Variants in GRIN3A observed in about 807,000 individuals in gnomAD.
GRIN3A encodes the protein glutamate receptor ionotropic, NMDA 3A.
In GRIN3A, 47 loss-of-function variants were observed where a neutral mutation model predicts 92.4. That is an observed-to-expected ratio of 0.51 (90% CI 0.40 to 0.65). GRIN3A has a LOEUF of 0.65. Among genes scored for constraint, GRIN3A ranks in the 30% least tolerant of loss-of-function variants. GRIN3A has a pLI of 0.00. For missense variants in GRIN3A, 1,324 were observed against 1,393.1 expected (o/e 0.95, Z 0.79); for synonymous variants, 527 against 540.6 (o/e 0.97, Z 0.35).
chr9:101,599,806 C>T (rs1299073524), intron 6 of GRIN3A, among the ~76,000 whole-genome samples: 7 of 152,146 alleles, frequency 4.6e-5, no homozygotes, highest in African/African-American at 7.2e-5. Context: ...GACCAGGTCA[C>T]ACAGCTGTTC....
intron 3 of GRIN3A, among the ~76,000 whole-genome samples, chr9:101,645,693 T>G (rs1828928645): frequency 6.8e-6 from 1 of 148,006 alleles, no homozygotes; most frequent in East Asian, 2.0e-4. Context: ...ATATAGATTA[T>G]ATATATAAAA....
chr9:101,610,864 C>T (rs772989281), intron 6 of GRIN3A, among the ~76,000 whole-genome samples: 2 of 151,866 alleles, frequency 1.3e-5, no homozygotes, highest in Non-Finnish European at 2.9e-5. Flanking sequence ...TTTGGGAGGC[C>T]GAGGCGGGCA....
intron 8 of GRIN3A, among the ~76,000 whole-genome samples, chr9:101,574,918 A>G (rs986796558): frequency 6.6e-6 from 1 of 152,222 alleles, no homozygotes; most frequent in Admixed American, 6.5e-5. Context: ...TGAGGCCATC[A>G]TAGACCAGAC....
intron 1 of GRIN3A, among the ~76,000 whole-genome samples, chr9:101,698,788 C>A (rs1227204755): frequency 6.6e-6 from 1 of 152,086 alleles, no homozygotes; most frequent in East Asian, 1.9e-4. Flanking sequence ...TCTGCCTCAG[C>A]CTCCCAAGTA....
chr9:101,688,109 A>T (rs1337709), intron 1 of GRIN3A, among the ~76,000 whole-genome samples: 120,311 of 152,170 alleles, frequency 0.79, 48,038 homozygotes, highest in African/African-American at 0.87. Flanking sequence ...TATGTTTATT[A>T]TGGGAACTAT....
chr9:101,581,011 C>T (rs900303860), intron 6 of GRIN3A, among the ~76,000 whole-genome samples: 5 of 152,184 alleles, frequency 3.3e-5, no homozygotes, highest in Admixed American at 6.5e-5. Flanking sequence ...GAGTCAATCC[C>T]GTAGAAGTAA....
At chr9:101,611,395 C>T (rs1395606768) in intron 6 of GRIN3A, among the ~76,000 whole-genome samples, 1 of 152,116 alleles carries the variant, frequency 6.6e-6, no homozygotes, top group African/African-American at 2.4e-5. Flanking sequence ...AATTTAGGGC[C>T]CACTTGACTA....
At chr9:101,719,498 TTAGGAGCCATTGAAATACTG>T (rs769593709) in intron 1 of GRIN3A, among the ~76,000 whole-genome samples, 2 of 151,918 alleles carry the variant, frequency 1.3e-5, no homozygotes, top group Non-Finnish European at 2.9e-5. Flanking sequence ...CTTAAGTCAG[TTAGGAGCCATTGAAATACTG>T]TAGGCAGAGA....
intron 2 of GRIN3A, among the ~76,000 whole-genome samples, chr9:101,685,807 T>G (rs1279459944): frequency 6.6e-6 from 1 of 151,904 alleles, no homozygotes; most frequent in Non-Finnish European, 1.5e-5. Flanking sequence ...GTTTGTCTAC[T>G]ACCAATCTAT....
At chr9:101,580,541 A>G (rs1827874828) in intron 6 of GRIN3A, among the ~76,000 whole-genome samples, 2 of 152,174 alleles carry the variant, frequency 1.3e-5, no homozygotes, top group Admixed American at 6.6e-5. Context: ...TGGTGAGTTC[A>G]GTAACTTTGG....
intron 2 of GRIN3A, among the ~76,000 whole-genome samples, chr9:101,677,175 T>G (rs918033504): frequency 2.0e-5 from 3 of 152,224 alleles, no homozygotes; most frequent in Admixed American, 6.5e-5. Context: ...TTTACATTTG[T>G]ATTTTTCCAT....
At chr9:101,660,835 C>T (rs936049836) in intron 3 of GRIN3A, among the ~76,000 whole-genome samples, 6 of 151,720 alleles carry the variant, frequency 4.0e-5, no homozygotes, top group Non-Finnish European at 1.5e-5. Context: ...ATATCAAAAA[C>T]GTTGATTTCA....
intron 3 of GRIN3A, among the ~76,000 whole-genome samples, chr9:101,657,162 A>T (rs1829100528): frequency 6.6e-6 from 1 of 151,934 alleles, no homozygotes; most frequent in African/African-American, 2.4e-5. Flanking sequence ...TACTTCCAGA[A>T]TATGTGGCAG....
chr9:101,653,963 T>G (rs2118921556), intron 3 of GRIN3A, among the ~76,000 whole-genome samples: 1 of 151,960 alleles, frequency 6.6e-6, no homozygotes, highest in South Asian at 2.1e-4. Flanking sequence ...TAGAGCTGAC[T>G]TGTGTGGTTA....
chr9:101,736,906 C>A (rs1830213898), intron 1 of GRIN3A, among the ~76,000 whole-genome samples: 1 of 152,130 alleles, frequency 6.6e-6, no homozygotes, highest in Non-Finnish European at 1.5e-5. Flanking sequence ...CCCCCATACC[C>A]TGCTCTTGTA....
intron 1 of GRIN3A, among the ~76,000 whole-genome samples, chr9:101,688,027 C>T (rs1588283710): frequency 1.3e-5 from 2 of 152,316 alleles, no homozygotes; most frequent in Admixed American, 1.3e-4. Flanking sequence ...GAGCAAGCAT[C>T]TGACATCCTG....
chr9:101,613,352 C>T (rs774536038), intron 6 of GRIN3A, 24 bp downstream of exon 6: 11 of 1,613,630 alleles, frequency 6.8e-6, no homozygotes, highest in Admixed American at 3.3e-5. Context: ...CAACGTGTCA[C>T]CATTTTCAAC....
chr9:101,618,629 A>C (rs1828502796), intron 5 of GRIN3A, among the ~76,000 whole-genome samples: 1 of 152,212 alleles, frequency 6.6e-6, no homozygotes, highest in South Asian at 2.1e-4. Context: ...AATCATTTTT[A>C]GCTAATGAAA....
intron 1 of GRIN3A, among the ~76,000 whole-genome samples, chr9:101,729,928 A>G (rs1362594117): frequency 6.6e-6 from 1 of 152,160 alleles, no homozygotes; most frequent in Non-Finnish European, 1.5e-5. Flanking sequence ...TGCATTTATT[A>G]ATAAAATGAA....
Sources: gnomAD v4.1 joint callset for allele counts (sites outside exome capture counted in the v4.1 genomes callset) on GRCh38, gnomAD v4.1.1 for gene constraint, MANE v1.5 for transcripts, NCBI Gene and HGNC (gene_info 2026-07-23, HGNC 2026-07-21) for gene names.